Variants in ACVR2A observed in about 807,000 individuals in gnomAD.
The protein encoded by ACVR2A is activin A receptor type 2A, also known as activin receptor type-2A.
Under a neutral mutation model 61.4 loss-of-function variants are expected in ACVR2A, and 7 were observed. The ratio of observed to expected loss-of-function variants is 0.11; its 90% confidence interval spans 0.06 to 0.21. The LOEUF (loss-of-function observed/expected upper bound fraction) is 0.21, where lower values mean the gene tolerates loss of function less well. Among genes scored for constraint, ACVR2A ranks in the 10% least tolerant of loss-of-function variants. The pLI is 1.00. For synonymous variants in ACVR2A, 193 were observed against 208.3 expected (o/e 0.93, Z 0.63); for missense variants, 322 against 621.7 (o/e 0.52, Z 5.13).
At chr2:147,848,480 A>G (rs879411953) in intron 1 of ACVR2A, among the ~76,000 whole-genome samples, 79 of 152,132 alleles carry the variant, frequency 5.2e-4, no homozygotes, top group African/African-American at 1.9e-3. Flanking sequence ...TAATCGTCCT[A>G]AAATACATGG....
chr2:147,845,189 C>A lies in ACVR2A; in HGVS notation c.37C>A (p.Leu13Ile), dbSNP rs1685274462. 4 of 1,613,120 alleles carry A rather than the reference C, an allele frequency of 2.5e-6. No individual in the cohort carries two copies. The highest frequency in any genetic ancestry group is 3.4e-6 in the Non-Finnish European group (4 of 1,179,846). ...AAAKLAFAVFLISCSSGAILG... is the reference protein window; with the variant it reads ...AAAKLAFAVFIISCSSGAILG... ...TGCAAAGTTGGCGTTTGCCGTCTTT[C>A]TTATCTCCTGTTCTTCAGGTAGGTG... Residue 13 changes from leucine (L) to isoleucine (I), a missense_variant, in exon 1 of 11, where the codon CTT becomes ATT. Coordinates refer to ENST00000241416, the MANE Select transcript of ACVR2A (RefSeq NM_001616.5).
intron 1 of ACVR2A, among the ~76,000 whole-genome samples, chr2:147,878,358 A>C (rs577362601): frequency 6.6e-6 from 1 of 152,262 alleles, no homozygotes; most frequent in East Asian, 1.9e-4. Flanking sequence ...AGTATCGAAA[A>C]CAACTTTGGT....
At chr2:147,858,438 A>G (rs1685642599) in intron 1 of ACVR2A, among the ~76,000 whole-genome samples, 1 of 152,254 alleles carries the variant, frequency 6.6e-6, no homozygotes, top group South Asian at 2.1e-4. Context: ...CCTTACAGTG[A>G]CCTTAAAGGC....
chr2:147,913,035 C>G (rs1011138418), intron 4 of ACVR2A, among the ~76,000 whole-genome samples: 1 of 151,438 alleles, frequency 6.6e-6, no homozygotes, highest in African/African-American at 2.4e-5. Context: ...ACTTGTTAAA[C>G]AGAGCCTTGG....
At chr2:147,867,575 C>T (rs1685894916) in intron 1 of ACVR2A, among the ~76,000 whole-genome samples, 3 of 151,952 alleles carry the variant, frequency 2.0e-5, no homozygotes, top group African/African-American at 7.3e-5. Flanking sequence ...ACCTATTCCT[C>T]CCTTACTCCA....
At chr2:147,895,009 A>T (rs1686693179) in intron 1 of ACVR2A, among the ~76,000 whole-genome samples, 1 of 152,276 alleles carries the variant, frequency 6.6e-6, no homozygotes, top group South Asian at 2.1e-4. Context: ...GAAAAAACTC[A>T]CAAATGAACT....
In ACVR2A at chr2:147,926,977, CTTT is replaced by C. The variant is rs1573718494; in HGVS notation, c.1348-102_1348-100del. On this transcript the variant is annotated intron_variant, in intron 10 of 10. Coordinates refer to ENST00000241416, the MANE Select transcript of ACVR2A (RefSeq NM_001616.5). Reference sequence around the variant, plus strand: ...TAAAAGTGAATGTTGACAGAAACTTCTTTGACCCAGAAAAATAGCCATTTCTTC... The same window carrying C: ...TAAAAGTGAATGTTGACAGAAACTTCGACCCAGAAAAATAGCCATTTCTTC... The C allele has an allele frequency of 2.1e-5, 24 of 1,132,236 alleles. No homozygotes were observed. In the East Asian group the frequency reaches 4.7e-4, roughly 22 times the overall value. 70.1% of individuals were successfully genotyped at this position (1,132,236 alleles called of 1,614,324 possible).
In ACVR2A at chr2:147,924,115, A is replaced by C. The variant is rs965579954; in HGVS notation, c.1216+1004A>C. Among the ~76,000 whole-genome samples the C allele has an allele frequency of 5.9e-5, 9 of 152,208 alleles. No individual in the cohort carries two copies. The East Asian group carries it at 1.7e-3, about 29-fold the overall frequency. The stretch of plus-strand genomic sequence containing the variant: ...GTTGAAGCAATTTTGGAATAATTTC[A>C]GAAGTCTTTAGGAAGAAGCGTTAAG... On this transcript the variant is annotated intron_variant, in intron 9 of 10. Transcript: ENST00000241416.
intron 1 of ACVR2A, among the ~76,000 whole-genome samples, chr2:147,875,295 G>A (rs1473040776): frequency 1.3e-5 from 2 of 151,656 alleles, no homozygotes; most frequent in Non-Finnish European, 2.9e-5. Flanking sequence ...AACCAACCCA[G>A]AACAAAAAGC....
intron 1 of ACVR2A, among the ~76,000 whole-genome samples, chr2:147,891,911 G>C (rs1686593019): frequency 6.6e-6 from 1 of 152,094 alleles, no homozygotes; most frequent in Non-Finnish European, 1.5e-5. Flanking sequence ...AATTTAGAAA[G>C]TGCCTATTGT....
chr2:147,895,205 G>A (rs1240616556), intron 1 of ACVR2A, among the ~76,000 whole-genome samples: 1 of 152,080 alleles, frequency 6.6e-6, no homozygotes, highest in Non-Finnish European at 1.5e-5. Context: ...TTGCAGTTGA[G>A]AGAAATGTAA....
At chr2:147,911,812 C>A (rs1280709391) in intron 4 of ACVR2A, among the ~76,000 whole-genome samples, 2 of 151,990 alleles carry the variant, frequency 1.3e-5, no homozygotes, top group African/African-American at 4.8e-5. Context: ...GTAGAAAAAA[C>A]CGTTTTACTT....
intron 1 of ACVR2A, among the ~76,000 whole-genome samples, chr2:147,866,988 T>G (rs1167382744): frequency 1.3e-5 from 2 of 152,108 alleles, no homozygotes; most frequent in Non-Finnish European, 2.9e-5. Flanking sequence ...GAAGAGCTTG[T>G]AGAGAAGATC....
In ACVR2A at chr2:147,872,274, G is replaced by A. The variant is rs574976602; in HGVS notation, c.56-24027G>A. Among the ~76,000 whole-genome samples the A allele has an allele frequency of 2.0e-5, 3 of 152,096 alleles. No individual in the cohort carries two copies. In the East Asian group the frequency reaches 5.8e-4, roughly 29 times the overall value. Reference sequence around the variant, plus strand: ...AGTAAGCCATGCGTTGATGCAAAAAGCTTATTATGTCTTAATGGAAAGTTA... The same window carrying A: ...AGTAAGCCATGCGTTGATGCAAAAAACTTATTATGTCTTAATGGAAAGTTA... On this transcript the variant is annotated intron_variant, in intron 1 of 10. Transcript: ENST00000241416.
intron 1 of ACVR2A, among the ~76,000 whole-genome samples, chr2:147,889,210 G>C (rs530953836): frequency 3.3e-5 from 5 of 152,044 alleles, no homozygotes; most frequent in Non-Finnish European, 7.4e-5. Flanking sequence ...GATTCTCTTT[G>C]CTAAAATTTT....
chr2:147,879,581 G>A (rs1202923553), intron 1 of ACVR2A, among the ~76,000 whole-genome samples: 1 of 152,168 alleles, frequency 6.6e-6, no homozygotes, highest in East Asian at 1.9e-4. Flanking sequence ...AATGTATCAA[G>A]GCCTGAGATA....
chr2:147,929,661 G>GTATT lies in ACVR2A; in HGVS notation c.*2390_*2393dup, dbSNP rs1687610124. The GTATT allele has an allele frequency of 6.6e-6, 1 of 152,298 alleles. No homozygotes were observed. Among genetic ancestry groups the GTATT allele is most frequent in the South Asian group, 2.1e-4 (1 of 4,818 alleles). 9.4% of individuals were successfully genotyped at this position (152,298 alleles called of 1,614,324 possible). A position where few individuals can be genotyped will look rare whatever the true frequency, so the allele number is the denominator to read the frequency against. ...TCTTGTTAAAACTTTCTTTTGCAGG[G>GTATT]TATTTAGTGTTTGGTTTACAGTCAG... is the stretch of plus-strand genomic sequence containing the variant. On this transcript the variant is annotated 3_prime_UTR_variant, in exon 11 of 11. Coordinates refer to ENST00000241416, the MANE Select transcript of ACVR2A (RefSeq NM_001616.5).
At chr2:147,903,490 T>C (rs899225902) in intron 4 of ACVR2A, among the ~76,000 whole-genome samples, 1 of 151,906 alleles carries the variant, frequency 6.6e-6, no homozygotes, top group Non-Finnish European at 1.5e-5. Context: ...TTCTCTCCCT[T>C]CATCTGTACT....
chr2:147,927,031 G>A (rs768039392), intron 10 of ACVR2A, 49 bp from the exon 11 acceptor site: 1 of 1,555,574 alleles, frequency 6.4e-7, no homozygotes, highest in Non-Finnish European at 8.7e-7. Flanking sequence ...TTTCCTAATA[G>A]AAAACAAAAA....
Sources: allele counts gnomAD v4.1 joint callset (sites outside exome capture counted in the v4.1 genomes callset), GRCh38; gene constraint gnomAD v4.1.1; transcripts MANE v1.5; gene names NCBI Gene and HGNC (gene_info 2026-07-23, HGNC 2026-07-21).